ADORA2B: variants seen among roughly 807,000 people sequenced by gnomAD.
ADORA2B encodes the protein adenosine receptor A2b.
Under a neutral mutation model 20.8 loss-of-function variants are expected in ADORA2B, and 18 were observed. The ratio of observed to expected loss-of-function variants is 0.87; its 90% CI spans 0.60 to 1.29. The LOEUF is 1.29. ADORA2B is among the 50% of genes most tolerant of loss of function. The probability of loss-of-function intolerance (pLI) is 0.00; values close to 1 mark genes in which losing one functional copy is unlikely to be tolerated. For missense variants in ADORA2B, 441 were observed against 422.7 expected, an observed-to-expected ratio of 1.04 and a Z score of -0.38; for synonymous variants, 179 against 178.3, an observed-to-expected ratio of 1.00 and a Z score of -0.03.
the ADORA2B span, among the ~76,000 whole-genome samples, chr17:15,914,676 C>T: frequency 2.0e-5 from 3 of 152,214 alleles, no homozygotes; most frequent in East Asian, 5.8e-4. Context: ...TTAAAGCTTT[C>T]TTTGCTTGCT....
chr17:15,959,519 G>A (rs1304786187), intron 1 of ADORA2B, among the ~76,000 whole-genome samples: 1 of 54,188 alleles, frequency 1.8e-5, no homozygotes, highest in East Asian at 5.6e-4. Context: ...TTTTTTTTTT[G>A]AGACAGAGTC....
intron 1 of ADORA2B, among the ~76,000 whole-genome samples, chr17:15,966,603 T>G (rs559054407): frequency 6.6e-6 from 1 of 152,312 alleles, no homozygotes; most frequent in South Asian, 2.1e-4. Flanking sequence ...GCTGTTTCCT[T>G]TTGTTGATTC....
chr17:15,931,407 A>G, the ADORA2B span, among the ~76,000 whole-genome samples: 2 of 152,234 alleles, frequency 1.3e-5, no homozygotes, highest in Non-Finnish European at 2.9e-5. Context: ...AAGGACATCA[A>G]CATTGGGTAG....
intron 1 of ADORA2B, among the ~76,000 whole-genome samples, chr17:15,950,403 G>A (rs751180983): frequency 1.3e-5 from 2 of 152,090 alleles, no homozygotes; most frequent in East Asian, 1.9e-4. Flanking sequence ...ATCAGTACAC[G>A]AATATACCCC....
intron 1 of ADORA2B, among the ~76,000 whole-genome samples, chr17:15,957,524 A>C (rs2041458): frequency 0.83 from 126,454 of 152,112 alleles, 56,921 homozygotes; most frequent in Non-Finnish European, 0.99. Context: ...AAGGAGAAGA[A>C]GACTCCAGGA....
chr17:15,867,507 G>A, the ADORA2B span, among the ~76,000 whole-genome samples: 18 of 149,048 alleles, frequency 1.2e-4, no homozygotes, highest in East Asian at 1.2e-3. Context: ...CCCTCTGCCC[G>A]GCGGCCACTC....
Position 15,975,087 on chromosome 17 carries a change from A to C in ADORA2B, c.744A>C (p.Leu248Phe), listed in dbSNP as rs921466054. 3.7e-6 allele frequency: 6 copies of C among 1,613,964 alleles called. No homozygotes were observed. The highest frequency in any genetic ancestry group is 5.1e-6 in the Non-Finnish European group (6 of 1,180,024). Residue 248 changes from leucine to phenylalanine, a missense_variant, in exon 2 of 2, where the codon TTA becomes TTC. Coordinates refer to ENST00000304222, the MANE Select transcript of ADORA2B (RefSeq NM_000676.4). ...TGGGGATTTTTGCCCTGTGCTGGTT[A>C]CCTGTGCATGCTGTTAACTGTGTCA... ...MIVGIFALCW[L>F]PVHAVNCVTL...
In ADORA2B at chr17:15,975,331, G is replaced by A; in HGVS notation, c.988G>A (p.Val330Met). Residue 330 changes from valine to methionine, a missense_variant, in exon 2 of 2, where the codon GTG (valine) becomes ATG (methionine). Transcript: ENST00000304222. ...GGCTGGGGTACAGCCTGCTCTCGGT[G>A]TGGGCCTATGATCTAGGCTCTCGCC... ...GQAGVQPALGVGL is the reference protein window; with the variant it reads ...GQAGVQPALGMGL 1 of 1,611,248 alleles carries A rather than the reference G, an allele frequency of 6.2e-7. No homozygotes were observed. The highest frequency in any genetic ancestry group is 1.1e-5 in the South Asian group (1 of 91,068).
At chr17:15,921,218 A>T in the ADORA2B span, among the ~76,000 whole-genome samples, 1 of 152,346 alleles carries the variant, frequency 6.6e-6, no homozygotes, top group South Asian at 2.1e-4. Flanking sequence ...GCAAATCTCA[A>T]TCAGAACTGG....
the ADORA2B span, among the ~76,000 whole-genome samples, chr17:15,878,881 T>C: frequency 1.3e-5 from 2 of 152,174 alleles, no homozygotes; most frequent in African/African-American, 4.8e-5. Context: ...ATTAATAGCA[T>C]AAATAGATTT....
intron 1 of ADORA2B, among the ~76,000 whole-genome samples, chr17:15,956,347 C>G (rs927128179): frequency 6.6e-6 from 1 of 152,112 alleles, no homozygotes; most frequent in African/African-American, 2.4e-5. Context: ...GGGATCAATG[C>G]CACAGCTCCC....
intron 1 of ADORA2B, among the ~76,000 whole-genome samples, chr17:15,950,142 T>A (rs992199525): frequency 6.6e-6 from 1 of 152,178 alleles, no homozygotes; most frequent in Non-Finnish European, 1.5e-5. Flanking sequence ...AGGAGCTTAT[T>A]TGGATTATCT....
chr17:15,908,405 T>G, the ADORA2B span: 2 of 152,652 alleles, frequency 1.3e-5, no homozygotes, highest in South Asian at 4.1e-4. Context: ...GCTCCACCTG[T>G]GCTGGTCTTC....
chr17:15,862,211 C>CTTTTTTTTTTTTTTTTTTTT, the ADORA2B span, among the ~76,000 whole-genome samples: 11 of 96,290 alleles, frequency 1.1e-4, no homozygotes, highest in African/African-American at 3.3e-4. Context: ...CTTTTCTTTT[C>CTTTTTTTTTTTTTTTTTTTT]TTTTTTTTTT....
At chr17:15,941,112 C>T (rs1389946921), upstream of ADORA2B, among the ~76,000 whole-genome samples, 2 of 152,176 alleles carry the variant, frequency 1.3e-5, no homozygotes, top group African/African-American at 2.4e-5. Flanking sequence ...TCAGTTTGTT[C>T]AGGAAGCATA....
the ADORA2B span, among the ~76,000 whole-genome samples, chr17:15,863,105 A>C: frequency 6.6e-6 from 1 of 152,170 alleles, no homozygotes; most frequent in Non-Finnish European, 1.5e-5. Flanking sequence ...AGATTTAAAT[A>C]ATCAAAAGAG....
the ADORA2B span, among the ~76,000 whole-genome samples, chr17:15,893,001 A>G: frequency 6.6e-6 from 1 of 152,164 alleles, no homozygotes; most frequent in Non-Finnish European, 1.5e-5. Flanking sequence ...CTGTCTCTAC[A>G]TTCCCCCGTC....
chr17:15,897,454 GCTAA>G, the ADORA2B span, among the ~76,000 whole-genome samples: 10 of 152,122 alleles, frequency 6.6e-5, no homozygotes, highest in Non-Finnish European at 1.2e-4. Flanking sequence ...TGTGATCCCA[GCTAA>G]CTGGGACTCT....
chr17:15,957,246 G>A (rs1969978415), intron 1 of ADORA2B, among the ~76,000 whole-genome samples: 1 of 152,194 alleles, frequency 6.6e-6, no homozygotes, highest in African/African-American at 2.4e-5. Flanking sequence ...GGAGCCACAG[G>A]TAAAATCATA....
Sources: allele counts gnomAD v4.1 joint callset (sites outside exome capture counted in the v4.1 genomes callset), GRCh38; gene constraint gnomAD v4.1.1; transcripts MANE v1.5; gene names NCBI Gene and HGNC (gene_info 2026-07-23, HGNC 2026-07-21).